TLL1: variants seen among roughly 807,000 people sequenced by gnomAD.
TLL1 encodes tolloid-like protein 1.
Under a neutral mutation model 128.2 loss-of-function variants are expected in TLL1, and 49 were observed. The observed-to-expected ratio is 0.38, with a 90% CI of 0.30 to 0.48. TLL1 has a LOEUF of 0.48. TLL1 is among the 20% of genes least tolerant of loss of function. The pLI, the probability that TLL1 is intolerant of heterozygous loss-of-function variation, is 0.96. For missense variants in TLL1, 1,123 were observed against 1,242.0 expected, an observed-to-expected ratio of 0.90 and a Z score of 1.44; for synonymous variants, 454 against 418.8, an observed-to-expected ratio of 1.08 and a Z score of -1.03.
intron 18 of TLL1, among the ~76,000 whole-genome samples, chr4:166,078,382 A>G (rs1741135116): frequency 6.6e-6 from 1 of 152,224 alleles, no homozygotes; most frequent in Admixed American, 6.5e-5. Flanking sequence ...AAAGCGATAG[A>G]ATAATATTTC....
chr4:165,998,778 C>T (rs1398502023), intron 5 of TLL1, among the ~76,000 whole-genome samples: 2 of 149,708 alleles, frequency 1.3e-5, no homozygotes, highest in Admixed American at 6.6e-5. Flanking sequence ...GCCTGGGGGA[C>T]AGAGCAAGAC....
At chr4:165,902,076 T>A (rs148014342) in intron 1 of TLL1, among the ~76,000 whole-genome samples, 3 of 152,132 alleles carry the variant, frequency 2.0e-5, no homozygotes, top group South Asian at 2.1e-4. Flanking sequence ...AGCTCAGTAA[T>A]GGTGGATGCC....
At chr4:166,015,075 T>C (rs943996340) in intron 8 of TLL1, among the ~76,000 whole-genome samples, 28 of 151,980 alleles carry the variant, frequency 1.8e-4, no homozygotes, top group African/African-American at 6.8e-4. Flanking sequence ...GTTTTGCCCC[T>C]AAATAAAGTT....
At chr4:165,886,815 G>C (rs909605410) in intron 1 of TLL1, among the ~76,000 whole-genome samples, 3 of 152,054 alleles carry the variant, frequency 2.0e-5, no homozygotes, top group Non-Finnish European at 4.4e-5. Flanking sequence ...TGAATCTGTG[G>C]ATATGGAGGG....
intron 9 of TLL1, among the ~76,000 whole-genome samples, chr4:166,033,285 T>G (rs1738856439): frequency 6.6e-6 from 1 of 152,116 alleles, no homozygotes; most frequent in African/African-American, 2.4e-5. Flanking sequence ...AAATAAATTT[T>G]GAAAACTTAA....
At chr4:165,992,039 G>A (rs1302633364) in intron 2 of TLL1, among the ~76,000 whole-genome samples, 3 of 151,986 alleles carry the variant, frequency 2.0e-5, no homozygotes, top group African/African-American at 7.2e-5. Flanking sequence ...TATGCTTTCT[G>A]ACTTATGACA....
At chr4:165,976,784 A>G (rs1735903409) in intron 1 of TLL1, among the ~76,000 whole-genome samples, 2 of 152,216 alleles carry the variant, frequency 1.3e-5, no homozygotes, top group African/African-American at 4.8e-5. Context: ...TGGAACTGGG[A>G]CAGTTTGTTA....
At chr4:166,011,258 C>T (rs1737682728) in intron 7 of TLL1, among the ~76,000 whole-genome samples, 1 of 151,406 alleles carries the variant, frequency 6.6e-6, no homozygotes, top group South Asian at 2.1e-4. Flanking sequence ...GTATTAACAT[C>T]TTAACAGTGT....
At chr4:166,067,713 CAA>C (rs1225037352) in intron 16 of TLL1, among the ~76,000 whole-genome samples, 1 of 151,630 alleles carries the variant, frequency 6.6e-6, no homozygotes, top group Admixed American at 6.6e-5. Flanking sequence ...CAATAGTTTT[CAA>C]AGAGTCTAGC....
chr4:166,088,757 C>A (rs1171299215), intron 18 of TLL1, among the ~76,000 whole-genome samples: 3 of 152,118 alleles, frequency 2.0e-5, no homozygotes, highest in African/African-American at 7.2e-5. Flanking sequence ...AGAGCTGTAG[C>A]CAGTTGGCAC....
chr4:165,913,348 C>A (rs1329778528), intron 1 of TLL1, among the ~76,000 whole-genome samples: 6 of 152,084 alleles, frequency 3.9e-5, no homozygotes, highest in African/African-American at 1.4e-4. Context: ...CTTCTCAGAG[C>A]TGAGTGTTTT....
chr4:165,955,256 A>G (rs116605361), intron 1 of TLL1, among the ~76,000 whole-genome samples: 2 of 152,156 alleles, frequency 1.3e-5, no homozygotes, highest in African/African-American at 2.4e-5. Flanking sequence ...GAAAAAAGAA[A>G]TTATAAAATG....
At chr4:165,941,857 A>C (rs1263892318) in intron 1 of TLL1, among the ~76,000 whole-genome samples, 1 of 152,062 alleles carries the variant, frequency 6.6e-6, no homozygotes, top group Non-Finnish European at 1.5e-5. Flanking sequence ...GGGTTCCTTC[A>C]GTCTGATTTT....
intron 1 of TLL1, chr4:165,919,700 C>T (rs1732950618): frequency 2.5e-6 from 1 of 405,204 alleles, no homozygotes; most frequent in Non-Finnish European, 5.0e-6. Flanking sequence ...CTTTCATCCC[C>T]ATTTCTTGCT....
At position 165,965,123 on chromosome 4, in the gene TLL1, G is replaced by GT. The variant is rs535933131; in HGVS notation, c.170-24257dup. Among the ~76,000 whole-genome samples, 339 of 152,056 alleles carry GT rather than the reference G, an allele frequency of 2.2e-3. 6 individuals are homozygous for GT. The highest frequency in any genetic ancestry group is 0.019 in the Admixed American group (293 of 15,266). On this transcript the variant is annotated intron_variant, in intron 1 of 20. Transcript: ENST00000061240. ...ATTTCAAAAACTGCATTTTTAGTCT[G>GT]TCCTTGACTTTGTTTCTATGTTAAA...
intron 1 of TLL1, among the ~76,000 whole-genome samples, chr4:165,935,847 A>T (rs1466827156): frequency 6.6e-6 from 1 of 152,120 alleles, no homozygotes; most frequent in Non-Finnish European, 1.5e-5. Flanking sequence ...AACTAGTATA[A>T]TTTACCTTAA....
chr4:166,104,111 G>A lies in TLL1; in HGVS notation c.*3235G>A, dbSNP rs558522876. Among the ~76,000 whole-genome samples, 2 of 151,838 alleles carry A rather than the reference G, an allele frequency of 1.3e-5. No homozygotes were observed. The highest frequency in any genetic ancestry group is 6.6e-5 in the Admixed American group (1 of 15,214). ...TTTAACTTTGTTTTAAAATAGCTTGGTCTCTTTTATTTGGTTTGTAATACT... is the reference window on the plus strand; with the variant it reads ...TTTAACTTTGTTTTAAAATAGCTTGATCTCTTTTATTTGGTTTGTAATACT... On this transcript the variant is annotated 3_prime_UTR_variant, in exon 21 of 21. Coordinates refer to ENST00000061240, the MANE Select transcript of TLL1 (RefSeq NM_012464.5).
intron 1 of TLL1, among the ~76,000 whole-genome samples, chr4:165,928,984 T>C (rs1733393489): frequency 6.6e-6 from 1 of 152,218 alleles, no homozygotes; most frequent in Admixed American, 6.5e-5. Flanking sequence ...TTAAAAATGC[T>C]GATTTAATTC....
chr4:166,048,892 A>G (rs2111102327), intron 12 of TLL1, among the ~76,000 whole-genome samples: 1 of 152,344 alleles, frequency 6.6e-6, no homozygotes, highest in East Asian at 1.9e-4. Context: ...CACAGCTGCG[A>G]GCTGAAACAT....
Sources: allele counts gnomAD v4.1 joint callset (sites outside exome capture counted in the v4.1 genomes callset), GRCh38; gene constraint gnomAD v4.1.1; transcripts MANE v1.5; gene names NCBI Gene and HGNC (gene_info 2026-07-23, HGNC 2026-07-21).